Variants in ARL15 observed in about 807,000 individuals in gnomAD.
ARL15 encodes ADP-ribosylation factor-like protein 15.
A neutral mutation model predicts 25.2 loss-of-function variants in ARL15; 19 were observed. The observed-to-expected ratio is 0.75, with a 90% CI of 0.53 to 1.10. The LOEUF (loss-of-function observed/expected upper bound fraction) is 1.10, where lower values mean the gene tolerates loss of function less well. ARL15 is among the 50% of genes least tolerant of loss of function. The probability of loss-of-function intolerance (pLI) is 0.00; values close to 1 mark genes in which losing one functional copy is unlikely to be tolerated. For synonymous variants in ARL15, 94 were observed against 86.8 expected, an observed-to-expected ratio of 1.08 and a Z score of -0.46; for missense variants, 220 against 246.0, an observed-to-expected ratio of 0.89 and a Z score of 0.71.
chr5:54,102,743 C>T (rs1752477375), intron 4 of ARL15, among the ~76,000 whole-genome samples: 2 of 152,108 alleles, frequency 1.3e-5, no homozygotes, highest in South Asian at 4.1e-4. Flanking sequence ...ACACAAGTTA[C>T]CCAGATTTTC....
At chr5:54,053,374 C>T (rs1750758565) in intron 4 of ARL15, among the ~76,000 whole-genome samples, 1 of 151,880 alleles carries the variant, frequency 6.6e-6, no homozygotes, top group Non-Finnish European at 1.5e-5. Flanking sequence ...AGAAAAATTC[C>T]AAATAATTCC....
intron 1 of ARL15, chr5:54,308,087 G>A (rs117439425): frequency 1.3e-5 from 2 of 152,150 alleles, no homozygotes; most frequent in Admixed American, 1.3e-4. Flanking sequence ...AAGTCAATCC[G>A]AAAGACAGGA....
At chr5:54,059,836 A>G (rs1751008004) in intron 4 of ARL15, among the ~76,000 whole-genome samples, 2 of 152,196 alleles carry the variant, frequency 1.3e-5, no homozygotes, top group South Asian at 2.1e-4. Context: ...GTTTTATGGA[A>G]CATTAATGCT....
intron 1 of ARL15, among the ~76,000 whole-genome samples, chr5:54,193,303 T>C (rs1039156966): frequency 1.2e-4 from 18 of 152,150 alleles, no homozygotes; most frequent in Non-Finnish European, 2.5e-4. Context: ...GATACAAGTC[T>C]CTTACTTGTA....
intron 4 of ARL15, among the ~76,000 whole-genome samples, chr5:54,081,867 A>G (rs751164532): frequency 5.9e-5 from 9 of 152,078 alleles, no homozygotes; most frequent in Non-Finnish European, 1.2e-4. Flanking sequence ...CAAGGTGGGC[A>G]GACCACTTGA....
intron 1 of ARL15, among the ~76,000 whole-genome samples, chr5:54,306,235 T>TA (rs1400623555): frequency 1.1e-4 from 16 of 152,202 alleles, no homozygotes; most frequent in African/African-American, 3.9e-4. Context: ...AAAAGATTCT[T>TA]AAAAGAGTCT....
chr5:54,196,192 A>G (rs1314532864), intron 1 of ARL15, among the ~76,000 whole-genome samples: 1 of 152,140 alleles, frequency 6.6e-6, no homozygotes, highest in Non-Finnish European at 1.5e-5. Context: ...AGTATGTTTT[A>G]TGACATCAAA....
intron 1 of ARL15, among the ~76,000 whole-genome samples, chr5:54,243,562 T>C (rs1757013817): frequency 6.6e-6 from 1 of 152,206 alleles, no homozygotes; most frequent in South Asian, 2.1e-4. Context: ...TAAGTTTTCT[T>C]ATAATACTAA....
At chr5:53,902,034 A>G (rs936297981) in intron 4 of ARL15, among the ~76,000 whole-genome samples, 2 of 152,198 alleles carry the variant, frequency 1.3e-5, no homozygotes, top group African/African-American at 4.8e-5. Flanking sequence ...GTGAACATCA[A>G]ATTTCATCCC....
At chr5:54,193,341 A>T (rs1755458543) in intron 1 of ARL15, among the ~76,000 whole-genome samples, 1 of 152,090 alleles carries the variant, frequency 6.6e-6, no homozygotes, top group Non-Finnish European at 1.5e-5. Flanking sequence ...ATATTTCTGT[A>T]ATACTCTAAT....
At chr5:54,297,875 C>A (rs1758507232) in intron 1 of ARL15, among the ~76,000 whole-genome samples, 1 of 152,106 alleles carries the variant, frequency 6.6e-6, no homozygotes. Flanking sequence ...CTCCACCTCC[C>A]AGGTTCACGC....
chr5:53,938,522 G>A (rs1366160617), intron 4 of ARL15, among the ~76,000 whole-genome samples: 1 of 152,148 alleles, frequency 6.6e-6, no homozygotes, highest in Non-Finnish European at 1.5e-5. Flanking sequence ...CCTTTACCAG[G>A]TTGACACCCA....
At chr5:54,163,387 T>TAA (rs1754477456) in intron 2 of ARL15, among the ~76,000 whole-genome samples, 1 of 114,524 alleles carries the variant, frequency 8.7e-6, no homozygotes, top group Non-Finnish European at 1.8e-5. Flanking sequence ...TTTTTTTTTT[T>TAA]TTTTTTTGTA....
chr5:53,892,626 AG>A (rs1417025793), intron 4 of ARL15, among the ~76,000 whole-genome samples: 2 of 148,900 alleles, frequency 1.3e-5, no homozygotes, highest in African/African-American at 4.9e-5. Flanking sequence ...TTAAAGAAAT[AG>A]GCCCTAGCTC....
Position 54,302,683 on chromosome 5 carries a change from ATTTTTTTTTTTTTTT to A in ARL15, c.48+7734_48+7748del, listed in dbSNP as rs372704359. 7.6e-3 allele frequency among the ~76,000 whole-genome samples: 594 copies of A among 77,892 alleles called. 8 individuals carry two copies. The highest frequency in any genetic ancestry group is 0.029 in the African/African-American group (567 of 19,786). The allele number at this position is 77,892 out of a possible 152,430, so 51.1% of individuals were successfully genotyped here. A position where few individuals can be genotyped will look rare whatever the true frequency, so the allele number is the denominator to read the frequency against. On this transcript the variant is annotated intron_variant, in intron 1 of 4. Transcript: ENST00000504924. ...GCAAAGCACCTGTTCTAAAATTAAG[ATTTTTTTTTTTTTTT>A]TTTTTTTTTTTTTTCCAGGATGGGG...
intron 3 of ARL15, among the ~76,000 whole-genome samples, chr5:54,135,042 A>G (rs1010395633): frequency 2.0e-5 from 3 of 152,210 alleles, no homozygotes; most frequent in Non-Finnish European, 4.4e-5. Context: ...AGGAATTGCT[A>G]ATATGTTGGA....
intron 4 of ARL15, among the ~76,000 whole-genome samples, chr5:53,977,009 CT>C (rs1303407051): frequency 1.3e-5 from 2 of 152,110 alleles, no homozygotes; most frequent in Non-Finnish European, 1.5e-5. Context: ...GTTTTGTTAA[CT>C]TTTATCTCCA....
chr5:54,017,515 T>A lies in ARL15; in HGVS notation c.462+95687A>T, dbSNP rs1749462177. The stretch of plus-strand genomic sequence containing the variant: ...CTAGCTGCATTGTTACCAGCTCAGG[T>A]TGACATTCCCACACCACCCAGAAGG... On this transcript the variant is annotated intron_variant, in intron 4 of 4. Transcript: ENST00000504924. 5.3e-5 allele frequency among the ~76,000 whole-genome samples: 8 copies of A among 149,574 alleles called. No homozygotes were observed. The South Asian group carries it at 1.8e-3, about 33-fold the overall frequency.
chr5:53,990,597 T>G (rs1748452867), intron 4 of ARL15, among the ~76,000 whole-genome samples: 1 of 152,190 alleles, frequency 6.6e-6, no homozygotes, highest in African/African-American at 2.4e-5. Flanking sequence ...GAGCTGAGTG[T>G]GATCTCCAGA....
Sources: allele counts gnomAD v4.1 joint callset (sites outside exome capture counted in the v4.1 genomes callset), GRCh38; gene constraint gnomAD v4.1.1; transcripts MANE v1.5; gene names NCBI Gene and HGNC (gene_info 2026-07-23, HGNC 2026-07-21).